MVB12B: variants seen among roughly 807,000 people sequenced by gnomAD.
MVB12B encodes the protein ESCRT-I complex subunit MVB12B.
A neutral mutation model predicts 41.6 loss-of-function variants in MVB12B; 16 were observed. The ratio of observed to expected loss-of-function variants is 0.38; its 90% CI spans 0.26 to 0.58. The LOEUF (loss-of-function observed/expected upper bound fraction) is 0.58. MVB12B is among the 20% of genes least tolerant of loss of function. The pLI, the probability that MVB12B is intolerant of heterozygous loss-of-function variation, is 0.62. For missense variants in MVB12B, 274 were observed against 380.2 expected, an observed-to-expected ratio of 0.72 and a Z score of 2.32; for synonymous variants, 133 against 139.7, an observed-to-expected ratio of 0.95 and a Z score of 0.34.
intron 6 of MVB12B, among the ~76,000 whole-genome samples, chr9:126,398,927 G>T (rs1588139948): frequency 6.6e-6 from 1 of 152,200 alleles, no homozygotes; most frequent in Admixed American, 6.5e-5. Flanking sequence ...CTTTACTTCA[G>T]ACAAAGGTGG....
intron 5 of MVB12B, among the ~76,000 whole-genome samples, chr9:126,394,996 T>A (rs961459741): frequency 2.6e-4 from 39 of 152,092 alleles, no homozygotes; most frequent in Non-Finnish European, 7.4e-5. Context: ...GGAGAGCTTA[T>A]GCGGCGTCTG....
At chr9:126,359,295 T>C (rs1829966284) in intron 2 of MVB12B, among the ~76,000 whole-genome samples, 2 of 152,180 alleles carry the variant, frequency 1.3e-5, no homozygotes, top group Non-Finnish European at 1.5e-5. Context: ...TAATATATTG[T>C]TAGATTCAAT....
rs1447033839 is a variant in MVB12B at position 126,429,741 on chromosome 9, C to T, written c.757+7793C>T. On this transcript the variant is annotated intron_variant, in intron 7 of 9. Transcript: ENST00000361171. ...TGGATGTGCTTTTCTACATCCACCA[C>T]GGTGGCTGTGTCACTGAAGTTAATG... is the stretch of plus-strand genomic sequence containing the variant. Among the ~76,000 whole-genome samples, 6 of 152,230 alleles carry T rather than the reference C, an allele frequency of 3.9e-5. No individual in the cohort carries two copies. In the South Asian group the frequency reaches 6.2e-4, roughly 16 times the overall value.
chr9:126,397,106 G>A lies in MVB12B; in HGVS notation c.662+1409G>A, dbSNP rs115039409. 2.9e-3 allele frequency: 2,820 copies of A among 985,530 alleles called. 73 individuals carry two copies. In the African/African-American group the frequency reaches 0.047, roughly 16 times the overall value. The allele number at this position is 985,530 out of a possible 1,614,324, so 61.0% of individuals were successfully genotyped here. On this transcript the variant is annotated intron_variant, in intron 6 of 9. Coordinates refer to ENST00000361171, the MANE Select transcript of MVB12B (RefSeq NM_033446.3). ...AGGCCCATCACTTGTACTTGGAGCA[G>A]CTCAAGTGTGGGCTCCTTGCAGAGG...
chr9:126,470,579 G>A (rs1833290060), intron 7 of MVB12B, among the ~76,000 whole-genome samples: 1 of 152,078 alleles, frequency 6.6e-6, no homozygotes, highest in Admixed American at 6.5e-5. Context: ...GGATGCAGAG[G>A]GATGAAGCGA....
At chr9:126,394,850 GC>G (rs1216422783) in intron 5 of MVB12B, among the ~76,000 whole-genome samples, 1 of 152,224 alleles carries the variant, frequency 6.6e-6, no homozygotes, top group African/African-American at 2.4e-5. Context: ...AGTTCTGTGG[GC>G]AACTGGGAAG....
intron 7 of MVB12B, among the ~76,000 whole-genome samples, chr9:126,422,192 A>G (rs1021617520): frequency 6.6e-6 from 1 of 151,010 alleles, no homozygotes; most frequent in African/African-American, 2.4e-5. Context: ...TGGATTTCAC[A>G]GGGTTGAAGG....
At position 126,480,234 on chromosome 9, in the gene MVB12B, C is replaced by T. The variant is rs572380058; in HGVS notation, c.758-1135C>T. On this transcript the variant is annotated intron_variant, in intron 7 of 9. Transcript: ENST00000361171. This position sits in a 1 kb window ranked among gnomAD's most constrained non-coding sequence, Gnocchi z 4.9. ...CCGCGTCCCTGCACTCATGACCAGG[C>T]CCCTAACAACTGCGGCTGCATGTTC... Among the ~76,000 whole-genome samples, 1 of 152,326 alleles carries T rather than the reference C, an allele frequency of 6.6e-6. No homozygotes were observed. The highest frequency in any genetic ancestry group is 2.1e-4 in the South Asian group (1 of 4,826).
chr9:126,331,515 A>T (rs1588077637), intron 1 of MVB12B, among the ~76,000 whole-genome samples: 1 of 152,206 alleles, frequency 6.6e-6, no homozygotes, highest in South Asian at 2.1e-4. Flanking sequence ...TCCACATATT[A>T]ACTCCTCATC....
intron 7 of MVB12B, among the ~76,000 whole-genome samples, chr9:126,479,350 C>T (rs1372957392): frequency 6.6e-6 from 1 of 152,160 alleles, no homozygotes; most frequent in Non-Finnish European, 1.5e-5. Flanking sequence ...GCTGGCACAC[C>T]TCTTCCTGGA....
At chr9:126,417,352 C>T (rs1831854828) in intron 6 of MVB12B, among the ~76,000 whole-genome samples, 1 of 152,236 alleles carries the variant, frequency 6.6e-6, no homozygotes, top group Non-Finnish European at 1.5e-5. Context: ...GCATCAGGCA[C>T]ACATTGTCTA....
chr9:126,499,307 C>G (rs1008560816), intron 9 of MVB12B, among the ~76,000 whole-genome samples: 1 of 152,130 alleles, frequency 6.6e-6, no homozygotes, highest in African/African-American at 2.4e-5. Flanking sequence ...ATCTCTTTCC[C>G]GAGAGAGGCC....
chr9:126,481,508 C>A, intron 8 of MVB12B, 84 bp downstream of exon 8: 1 of 1,026,084 alleles, frequency 9.7e-7, no homozygotes, highest in Non-Finnish European at 1.5e-6. Context: ...GCACGCAGGG[C>A]TGTTCTGGCA....
Position 126,396,626 on chromosome 9 carries a change from C to G in MVB12B, c.662+929C>G, listed in dbSNP as rs954734769. On this transcript the variant is annotated intron_variant, in intron 6 of 9. Coordinates refer to ENST00000361171, the MANE Select transcript of MVB12B (RefSeq NM_033446.3). ...CTGTACTCTGTTCCTCTGTGCCAAG[C>G]CTCCGTCTCACTTGGAAGAATGTGC... is the stretch of plus-strand genomic sequence containing the variant. The G allele has an allele frequency of 1.3e-5, 13 of 985,352 alleles. No individual in the cohort carries two copies. In the Admixed American group the frequency reaches 4.9e-4, roughly 37 times the overall value. The allele number at this position is 985,352 out of a possible 1,614,324, so 61.0% of individuals were successfully genotyped here.
chr9:126,338,388 A>T (rs542795540), intron 1 of MVB12B, among the ~76,000 whole-genome samples: 1 of 152,188 alleles, frequency 6.6e-6, no homozygotes, highest in African/African-American at 2.4e-5. Context: ...TGCTGTTGAG[A>T]GCGGACTCCA....
At chr9:126,368,322 T>C (rs1242157469) in intron 2 of MVB12B, among the ~76,000 whole-genome samples, 1 of 152,224 alleles carries the variant, frequency 6.6e-6, no homozygotes. Flanking sequence ...AAACTCTGTA[T>C]GCTGCTGGCC....
chr9:126,466,628 G>A (rs77881287), intron 7 of MVB12B, among the ~76,000 whole-genome samples: 4,675 of 152,238 alleles, frequency 0.031, 112 homozygotes, highest in Admixed American at 0.062. Context: ...GGTGCCAGGA[G>A]TTGTTAAGGA....
intron 4 of MVB12B, among the ~76,000 whole-genome samples, chr9:126,390,356 TTAAG>T (rs1830912421): frequency 6.6e-6 from 1 of 152,166 alleles, no homozygotes; most frequent in Non-Finnish European, 1.5e-5. Context: ...CTCAGAGAAA[TTAAG>T]TAACTTGCCT....
rs1028044519 is a variant in MVB12B at position 126,503,631 on chromosome 9, C to A, written c.*368C>A. 22 of 310,254 alleles carry A rather than the reference C, an allele frequency of 7.1e-5. No homozygotes were observed. The highest frequency in any genetic ancestry group is 1.0e-4 in the Non-Finnish European group (17 of 165,404). 19.2% of individuals were successfully genotyped at this position (310,254 alleles called of 1,614,324 possible). A position where few individuals can be genotyped will look rare whatever the true frequency, so the allele number is the denominator to read the frequency against. ...GTGACGCCCACCGGCTCCCTCCGCTCCCTCCTGTCACCTACCAGGGCAGAC... is the reference window on the plus strand; with the variant it reads ...GTGACGCCCACCGGCTCCCTCCGCTACCTCCTGTCACCTACCAGGGCAGAC... On this transcript the variant is annotated 3_prime_UTR_variant, in exon 10 of 10. Transcript: ENST00000361171.
Sources: allele counts gnomAD v4.1 joint callset (sites outside exome capture counted in the v4.1 genomes callset), GRCh38; gene constraint gnomAD v4.1.1; non-coding constraint Gnocchi (gnomAD v3.1); transcripts MANE v1.5; gene names NCBI Gene and HGNC (gene_info 2026-07-23, HGNC 2026-07-21).